The following FAM13A variants were observed in gnomAD, a reference collection of about 807,000 sequenced individuals.
FAM13A encodes family with sequence similarity 13 member A.
In FAM13A, 76 loss-of-function variants were observed where a neutral mutation model predicts 129.6. The ratio of observed to expected loss-of-function variants is 0.59; its 90% confidence interval spans 0.49 to 0.71. The LOEUF (loss-of-function observed/expected upper bound fraction) is 0.71, where lower values mean the gene tolerates loss of function less well. Among genes scored for constraint, FAM13A ranks in the 30% least tolerant of loss-of-function variants. The pLI, the probability that FAM13A is intolerant of heterozygous loss-of-function variation, is 0.00. For missense variants in FAM13A, 1,108 were observed against 1,249.3 expected (o/e 0.89, Z 1.70); for synonymous variants, 443 against 449.9 (o/e 0.98, Z 0.20).
chr4:89,029,472 AATATTCCACT>A lies in FAM13A; in HGVS notation c.195_204del (p.Val66Ter), dbSNP rs1768406259. 1.3e-6 allele frequency: 2 copies of A among 1,598,880 alleles called. No homozygotes were observed. On this transcript the variant is annotated frameshift_variant, in exon 2 of 24. Transcript: ENST00000264344. LOFTEE classifies it high-confidence loss of function. ...TGACTTAACTCACCATGCTGCGTCA[AATATTCCACT>A]ATATTCCACACTACTGCTGGAATGC...
chr4:88,957,366 CAT>C (rs1757920505), intron 4 of FAM13A, among the ~76,000 whole-genome samples: 1 of 152,130 alleles, frequency 6.6e-6, no homozygotes, highest in Non-Finnish European at 1.5e-5. Flanking sequence ...TCCCACCCCA[CAT>C]CTCTCACTTG....
At chr4:89,055,499 A>C (rs1043152430) in intron 1 of FAM13A, among the ~76,000 whole-genome samples, 1 of 152,204 alleles carries the variant, frequency 6.6e-6, no homozygotes, top group African/African-American at 2.4e-5. Flanking sequence ...GTCAGTGTGC[A>C]TTCCAGTCAA....
chr4:88,739,268 A>G (rs942745659), intron 19 of FAM13A, 143 bp from the exon 20 acceptor site: 2 of 626,478 alleles, frequency 3.2e-6, no homozygotes, highest in Non-Finnish European at 5.7e-6. Flanking sequence ...AATTTATTTA[A>G]ACTGATAATA....
At chr4:88,915,757 T>TAA (rs1417202469) in intron 5 of FAM13A, among the ~76,000 whole-genome samples, 2 of 152,198 alleles carry the variant, frequency 1.3e-5, no homozygotes, top group Non-Finnish European at 2.9e-5. Context: ...AGAGGCCCTT[T>TAA]AAGCAGTGAT....
At chr4:88,983,783 G>T (rs1038032337) in intron 4 of FAM13A, among the ~76,000 whole-genome samples, 3 of 152,082 alleles carry the variant, frequency 2.0e-5, no homozygotes, top group African/African-American at 7.2e-5. Flanking sequence ...TAACTTTTTT[G>T]TAGAAATTTA....
intron 4 of FAM13A, among the ~76,000 whole-genome samples, chr4:88,964,577 C>T (rs1181913498): frequency 6.6e-6 from 1 of 150,870 alleles, no homozygotes; most frequent in African/African-American, 2.4e-5. Flanking sequence ...CACACTAGCA[C>T]ATAATGAATC....
chr4:88,865,117 A>G (rs1740156806), intron 6 of FAM13A, among the ~76,000 whole-genome samples: 1 of 152,198 alleles, frequency 6.6e-6, no homozygotes. Flanking sequence ...AAGCAGAAGA[A>G]ACACTGATAA....
intron 3 of FAM13A, among the ~76,000 whole-genome samples, chr4:89,015,998 A>G (rs1766433502): frequency 6.6e-6 from 1 of 152,176 alleles, no homozygotes; most frequent in Non-Finnish European, 1.5e-5. Flanking sequence ...GTTAACTGTA[A>G]CACAGACTCA....
intron 6 of FAM13A, among the ~76,000 whole-genome samples, chr4:88,874,326 A>G (rs961573017): frequency 2.6e-5 from 4 of 152,216 alleles, no homozygotes; most frequent in African/African-American, 9.6e-5. Context: ...AGAGTATTCA[A>G]TTAGGAAAAG....
chr4:89,014,182 T>C (rs886428131), intron 3 of FAM13A, among the ~76,000 whole-genome samples: 4 of 152,182 alleles, frequency 2.6e-5, no homozygotes, highest in Non-Finnish European at 5.9e-5. Flanking sequence ...TACAGATGCA[T>C]GACAATAAAC....
At chr4:88,961,922 G>T (rs565376866) in intron 4 of FAM13A, among the ~76,000 whole-genome samples, 16 of 151,816 alleles carry the variant, frequency 1.1e-4, no homozygotes, top group African/African-American at 3.9e-4. Context: ...AAGTGAATGG[G>T]GAAAAATAGG....
chr4:88,871,715 A>C (rs550447210), intron 6 of FAM13A, among the ~76,000 whole-genome samples: 8 of 152,338 alleles, frequency 5.3e-5, no homozygotes, highest in East Asian at 1.9e-4. Flanking sequence ...AAGTTGGAAA[A>C]CACTCTGCAG....
At chr4:89,015,530 G>A (rs77454896) in intron 3 of FAM13A, among the ~76,000 whole-genome samples, 247 of 152,250 alleles carry the variant, frequency 1.6e-3, no homozygotes, top group African/African-American at 5.5e-3. Flanking sequence ...TTGAATTATC[G>A]GGGGCGGGTT....
At chr4:88,909,340 CA>C (rs150389611) in intron 5 of FAM13A, among the ~76,000 whole-genome samples, 1,614 of 152,194 alleles carry the variant, frequency 0.011, 26 homozygotes, top group African/African-American at 0.037. Flanking sequence ...AATACAGACA[CA>C]AAAGGATATA....
chr4:88,792,019 C>T (rs564727790), intron 8 of FAM13A, among the ~76,000 whole-genome samples: 6 of 152,084 alleles, frequency 3.9e-5, no homozygotes, highest in Admixed American at 2.0e-4. Flanking sequence ...AGAAAAACCA[C>T]GTAAAATCAT....
rs563795021 is a variant in FAM13A at position 88,790,485 on chromosome 4, C to T, written c.1091+101G>A. ...TGCTTATTATCTGAATTTTCCAATA[C>T]TGTACACCATTAGAGTTGCTTTTTT... On this transcript the variant is annotated intron_variant, in intron 9 of 23. Coordinates refer to ENST00000264344, the MANE Select transcript of FAM13A (RefSeq NM_014883.4). 47 of 956,066 alleles carry T rather than the reference C, an allele frequency of 4.9e-5. No individual in the cohort carries two copies. In the Middle Eastern group the frequency reaches 6.5e-4, roughly 13 times the overall value. The allele number at this position is 956,066 out of a possible 1,614,324, so 59.2% of individuals were successfully genotyped here.
chr4:88,851,568 GA>G (rs916608230), intron 6 of FAM13A, among the ~76,000 whole-genome samples: 1 of 151,640 alleles, frequency 6.6e-6, no homozygotes, highest in African/African-American at 2.4e-5. Context: ...AAGGAGGCAG[GA>G]AAAAAAAGAG....
At chr4:88,749,976 G>A (rs1742217980) in intron 15 of FAM13A, 67 bp from the exon 16 acceptor site, 2 of 1,564,800 alleles carry the variant, frequency 1.3e-6, no homozygotes, top group Non-Finnish European at 1.7e-6. Context: ...GGGGCCCTGG[G>A]GAAGTGGGAC....
Position 89,057,122 on chromosome 4 carries a change from T to C in FAM13A, c.-158A>G. ...AAGCGAAGAGCAGCTTCTAACATTT[T>C]AGGAAGAGTGGTTTTGCTTCTCTTT... On this transcript the variant is annotated 5_prime_UTR_variant, in exon 1 of 24. An upstream open reading frame in the 5' UTR loses its in-frame stop. Coordinates refer to ENST00000264344, the MANE Select transcript of FAM13A (RefSeq NM_014883.4). 6.9e-7 allele frequency: 1 copy of C among 1,449,040 alleles called. No homozygotes were observed. The allele number at this position is 1,449,040 out of a possible 1,614,324, so 89.8% of individuals were successfully genotyped here.
Sources: allele counts gnomAD v4.1 joint callset (sites outside exome capture counted in the v4.1 genomes callset), GRCh38; gene constraint gnomAD v4.1.1; transcripts MANE v1.5; gene names NCBI Gene and HGNC (gene_info 2026-07-23, HGNC 2026-07-21).